SLC25A24: variants seen among roughly 807,000 people sequenced by gnomAD.
SLC25A24 encodes solute carrier family 25 member 24.
A neutral mutation model predicts 60.7 loss-of-function variants in SLC25A24; 49 were observed. The ratio of observed to expected loss-of-function variants is 0.81; its 90% CI spans 0.64 to 1.02. The LOEUF is 1.02. Among genes scored for constraint, SLC25A24 ranks in the 50% least tolerant of loss-of-function variants. The pLI, the probability that SLC25A24 is intolerant of heterozygous loss-of-function variation, is 0.00. For missense variants in SLC25A24, 564 were observed against 586.3 expected (o/e 0.96, Z 0.39); for synonymous variants, 202 against 200.6 (o/e 1.01, Z -0.06).
Position 108,199,945 on chromosome 1 carries a change from C to A in SLC25A24, c.183+11G>T. 1 of 1,597,230 alleles carries A rather than the reference C, an allele frequency of 6.3e-7. No individual in the cohort carries two copies. The highest frequency in any genetic ancestry group is 8.5e-7 in the Non-Finnish European group (1 of 1,172,360). On this transcript the variant is annotated intron_variant, in intron 1 of 9. Transcript: ENST00000565488. Reference sequence around the variant, plus strand: ...TCCCTACGCTCAGGCGGCGCCCCGGCGGCGACCCACCTCCTCGGCGTCCTG... The same window carrying A: ...TCCCTACGCTCAGGCGGCGCCCCGGAGGCGACCCACCTCCTCGGCGTCCTG...
chr1:108,171,507 T>C (rs945247866), intron 3 of SLC25A24, among the ~76,000 whole-genome samples: 1 of 152,174 alleles, frequency 6.6e-6, no homozygotes, highest in Non-Finnish European at 1.5e-5. Flanking sequence ...GTGTGACCCA[T>C]TCCCCATATA....
chr1:108,181,940 C>T lies in SLC25A24; in HGVS notation c.398+1G>A. 1 of 1,601,044 alleles carries T rather than the reference C, an allele frequency of 6.2e-7. No individual in the cohort carries two copies. Among genetic ancestry groups the T allele is most frequent in the East Asian group, 2.2e-5 (1 of 44,742 alleles). ...ATTGTTGACCAACATGAAGAGCTTACCTTTGAAGAATCAACTCTGCTTGTT... is the reference window on the plus strand; with the variant it reads ...ATTGTTGACCAACATGAAGAGCTTATCTTTGAAGAATCAACTCTGCTTGTT... On this transcript the variant is annotated splice_donor_variant, in intron 3 of 9. Coordinates refer to ENST00000565488, the MANE Select transcript of SLC25A24 (RefSeq NM_013386.5). LOFTEE classifies it high-confidence loss of function.
At chr1:108,188,535 G>A (rs1208240418) in intron 1 of SLC25A24, among the ~76,000 whole-genome samples, 1 of 152,218 alleles carries the variant, frequency 6.6e-6, no homozygotes, top group Non-Finnish European at 1.5e-5. Context: ...ACGTACTGAA[G>A]TTTCATCTAA....
intron 4 of SLC25A24, 22 bp from the exon 5 acceptor site, chr1:108,157,642 C>T (rs1679940231): frequency 1.3e-6 from 2 of 1,598,046 alleles, no homozygotes; most frequent in Non-Finnish European, 1.7e-6. Flanking sequence ...AAAAAAAGAT[C>T]CCCATGCGCC....
chr1:108,158,038 C>T (rs896412450), intron 4 of SLC25A24, among the ~76,000 whole-genome samples: 1 of 152,116 alleles, frequency 6.6e-6, no homozygotes, highest in Non-Finnish European at 1.5e-5. Context: ...TTAAACAATA[C>T]TTCCTTTATC....
chr1:108,160,195 T>A (rs1191008666), intron 4 of SLC25A24, among the ~76,000 whole-genome samples: 4 of 146,062 alleles, frequency 2.7e-5, no homozygotes, highest in African/African-American at 1.0e-4. Flanking sequence ...TCCTCACTTC[T>A]CAGACGGGGC....
At chr1:108,141,717 G>T (rs1400092965) in intron 8 of SLC25A24, among the ~76,000 whole-genome samples, 1 of 152,142 alleles carries the variant, frequency 6.6e-6, no homozygotes, top group Middle Eastern at 3.2e-3. Flanking sequence ...CTATCATATG[G>T]ATGAATCATG....
At chr1:108,186,853 G>A (rs768290271) in intron 1 of SLC25A24, among the ~76,000 whole-genome samples, 8 of 152,038 alleles carry the variant, frequency 5.3e-5, no homozygotes, top group South Asian at 4.1e-4. Context: ...TGAGGTGGGC[G>A]GATCACCTGA....
rs750074940 is a variant in SLC25A24 at position 108,181,982 on chromosome 1, AC to A, written c.356del (p.Gly119ValfsTer2). On this transcript the variant is annotated frameshift_variant, in exon 3 of 10. Transcript: ENST00000565488. LOFTEE classifies it high-confidence loss of function. The part of the protein sequence containing the change: ...SEIVQSLQTL[G>X]LTISEQQAEL... ...CTGCTTGTTGTTCAGAAATAGTCAG[AC>A]CCAGTGTCTGGAGAGACTGGACAAT... 15 of 1,613,176 alleles carry A rather than the reference AC, an allele frequency of 9.3e-6. No individual in the cohort carries two copies. The East Asian group carries it at 3.1e-4, about 34-fold the overall frequency.
intron 3 of SLC25A24, among the ~76,000 whole-genome samples, chr1:108,181,583 T>C (rs1466620689): frequency 6.6e-6 from 1 of 152,220 alleles, no homozygotes; most frequent in East Asian, 1.9e-4. Flanking sequence ...ATGTGATGAA[T>C]CTGCTAGTCT....
intron 3 of SLC25A24, among the ~76,000 whole-genome samples, chr1:108,162,032 T>C (rs1680101868): frequency 1.3e-5 from 2 of 148,476 alleles, no homozygotes; most frequent in Admixed American, 1.4e-4. Flanking sequence ...CACCTATGAG[T>C]GAGAATATGC....
intron 1 of SLC25A24, among the ~76,000 whole-genome samples, chr1:108,187,800 C>T (rs1648184129): frequency 6.6e-6 from 1 of 151,246 alleles, no homozygotes; most frequent in East Asian, 1.9e-4. Context: ...GATTCTAAAA[C>T]CTAACAGGGA....
intron 1 of SLC25A24, among the ~76,000 whole-genome samples, chr1:108,196,052 C>G (rs1289421217): frequency 6.6e-6 from 1 of 151,666 alleles, no homozygotes; most frequent in Non-Finnish European, 1.5e-5. Flanking sequence ...AATGAACCCT[C>G]TTTGTTAACA....
At chr1:108,185,770 T>C (rs761237754) in intron 2 of SLC25A24, 58 bp downstream of exon 2, 1 of 1,363,318 alleles carries the variant, frequency 7.3e-7, no homozygotes, top group Non-Finnish European at 1.0e-6. Flanking sequence ...TTTTAGACTC[T>C]TGAAAGCATG....
chr1:108,146,725 T>C (rs938396697), intron 7 of SLC25A24, among the ~76,000 whole-genome samples: 1 of 152,232 alleles, frequency 6.6e-6, no homozygotes, highest in African/African-American at 2.4e-5. Flanking sequence ...GTTATATTGA[T>C]TTGCATATGT....
At chr1:108,173,709 G>C (rs1410092785) in intron 3 of SLC25A24, among the ~76,000 whole-genome samples, 2 of 152,128 alleles carry the variant, frequency 1.3e-5, no homozygotes, top group Non-Finnish European at 2.9e-5. Context: ...GAGCTCAGAA[G>C]ACAAAAAGAG....
chr1:108,187,927 G>GATAGATAGATATATATATATATATATAT, intron 1 of SLC25A24, among the ~76,000 whole-genome samples: 1,034 of 95,680 alleles, frequency 0.011, 45 homozygotes, highest in East Asian at 0.022. Flanking sequence ...AGACATTATA[G>GATAGATAGATATATATATATATATATAT]ATATATATAT....
chr1:108,155,950 AACACACACACACAC>A (rs58815373), intron 5 of SLC25A24, among the ~76,000 whole-genome samples: 4 of 149,146 alleles, frequency 2.7e-5, no homozygotes, highest in Admixed American at 2.0e-4. Context: ...ACTACCACTA[AACACACACACACAC>A]ACACACACAC....
In SLC25A24 at chr1:108,187,927, G is replaced by GATAGATATATATAT; in HGVS notation, c.184-1974_184-1973insATATATATATCTAT. The stretch of plus-strand genomic sequence containing the variant: ...TACACGAAATGGATAAGACATTATA[G>GATAGATATATATAT]ATATATATATATATATATTCATGCA... On this transcript the variant is annotated intron_variant, in intron 1 of 9. Transcript: ENST00000565488. Among the ~76,000 whole-genome samples the GATAGATATATATAT allele has an allele frequency of 5.6e-4, 54 of 95,772 alleles. 4 individuals carry two copies. The highest frequency in any genetic ancestry group is 6.9e-4 in the Non-Finnish European group (33 of 48,144). 62.8% of individuals were successfully genotyped at this position (95,772 alleles called of 152,430 possible).
Sources: allele counts gnomAD v4.1 joint callset (sites outside exome capture counted in the v4.1 genomes callset), GRCh38; gene constraint gnomAD v4.1.1; transcripts MANE v1.5; gene names NCBI Gene and HGNC (gene_info 2026-07-23, HGNC 2026-07-21).